The following SSX2IP variants were observed in gnomAD, a reference collection of about 807,000 sequenced individuals.
The protein encoded by SSX2IP is SSX family member 2 interacting protein, also known as afadin- and alpha-actinin-binding protein.
SSX2IP carries 55 observed loss-of-function variants against 84.9 expected under a neutral mutation model. The observed-to-expected ratio is 0.65, with a 90% CI of 0.52 to 0.81. The LOEUF is 0.81. SSX2IP is among the 30% of genes least tolerant of loss of function. The probability of loss-of-function intolerance (pLI) is 0.00; values close to 1 mark genes in which losing one functional copy is unlikely to be tolerated. For missense variants in SSX2IP, 664 were observed against 705.2 expected, an observed-to-expected ratio of 0.94 and a Z score of 0.66; for synonymous variants, 239 against 234.7, an observed-to-expected ratio of 1.02 and a Z score of -0.17.
Position 84,644,213 on chromosome 1 carries a change from C to T in SSX2IP, c.*3220G>A, listed in dbSNP as rs1429073228. On this transcript the variant is annotated 3_prime_UTR_variant, in exon 14 of 14. Transcript: ENST00000342203. ...CTAAGACTTATAAATGGAAGCCTAG[C>T]CACGTTACTGTTAAAAAACAAATGT... 1 of 152,192 alleles carries T rather than the reference C, an allele frequency of 6.6e-6. No individual in the cohort carries two copies. Among genetic ancestry groups the T allele is most frequent in the Non-Finnish European group, 1.5e-5 (1 of 68,030 alleles). 9.4% of individuals were successfully genotyped at this position (152,192 alleles called of 1,614,324 possible).
chr1:84,665,929 G>C (rs1652718991), intron 5 of SSX2IP, among the ~76,000 whole-genome samples, 193 bp downstream of exon 5: 1 of 152,170 alleles, frequency 6.6e-6, no homozygotes, highest in Admixed American at 6.6e-5. Context: ...TCCACTGGGG[G>C]CGGGGTCTGT....
chr1:84,654,510 G>A (rs1363352366), intron 11 of SSX2IP, among the ~76,000 whole-genome samples: 1 of 151,724 alleles, frequency 6.6e-6, no homozygotes, highest in Non-Finnish European at 1.5e-5. Flanking sequence ...AATTACTCAA[G>A]AATTAGTAAT....
At position 84,671,308 on chromosome 1, in the gene SSX2IP, C is replaced by T; in HGVS notation, c.-89G>A. On this transcript the variant is annotated splice_region_variant and 5_prime_UTR_variant, in exon 2 of 14. Coordinates refer to ENST00000342203, the MANE Select transcript of SSX2IP (RefSeq NM_001166293.2). ...CTGTCACTCTTCTATGTAGGCATCTCCTTAAAAAGCAGATTATAGAATAAT... is the reference window on the plus strand; with the variant it reads ...CTGTCACTCTTCTATGTAGGCATCTTCTTAAAAAGCAGATTATAGAATAAT... 6.5e-7 allele frequency: 1 copy of T among 1,546,394 alleles called. No homozygotes were observed. The highest frequency in any genetic ancestry group is 1.3e-5 in the South Asian group (1 of 79,954).
intron 1 of SSX2IP, among the ~76,000 whole-genome samples, chr1:84,684,837 A>C (rs1479805449): frequency 1.3e-5 from 2 of 152,186 alleles, no homozygotes; most frequent in Non-Finnish European, 1.5e-5. Flanking sequence ...AAAATGAAAA[A>C]ATTTTCAGAA....
intron 6 of SSX2IP, among the ~76,000 whole-genome samples, chr1:84,663,652 G>A (rs1315243425): frequency 2.0e-5 from 3 of 152,136 alleles, no homozygotes; most frequent in African/African-American, 4.8e-5. Flanking sequence ...TGAAACGTAC[G>A]CTCATCGCCT....
intron 5 of SSX2IP, among the ~76,000 whole-genome samples, chr1:84,665,643 G>C (rs1394158448): frequency 2.0e-5 from 3 of 152,148 alleles, no homozygotes; most frequent in African/African-American, 7.2e-5. Context: ...AATCAGAATT[G>C]TATCTTTTGT....
At chr1:84,655,244 G>A (rs889953157) in intron 11 of SSX2IP, 2 of 820,564 alleles carry the variant, frequency 2.4e-6, no homozygotes, top group Non-Finnish European at 3.0e-6. Flanking sequence ...TCTAAGGAAT[G>A]AAACTGAGGA....
At chr1:84,657,430 G>T (rs957433972) in intron 9 of SSX2IP, among the ~76,000 whole-genome samples, 1 of 152,070 alleles carries the variant, frequency 6.6e-6, no homozygotes, top group Non-Finnish European at 1.5e-5. Context: ...TTAATATTTT[G>T]CATTAAACAT....
chr1:84,664,085 T>C (rs1352481560), intron 6 of SSX2IP, among the ~76,000 whole-genome samples: 1 of 152,194 alleles, frequency 6.6e-6, no homozygotes, highest in East Asian at 1.9e-4. Context: ...AAAATACTTC[T>C]TTTGATACTC....
chr1:84,670,936 C>A (rs1653485531), intron 2 of SSX2IP, 121 bp from the exon 3 acceptor site: 1 of 795,236 alleles, frequency 1.3e-6, no homozygotes, highest in East Asian at 2.8e-5. Flanking sequence ...ATAATATATA[C>A]ATACATATTT....
At chr1:84,666,303 A>AG in intron 4 of SSX2IP, 71 bp from the exon 5 acceptor site, 1 of 1,084,852 alleles carries the variant, frequency 9.2e-7, no homozygotes, top group Non-Finnish European at 1.4e-6. Context: ...TTAAAATATC[A>AG]GTAACAAGAA....
chr1:84,670,040 T>A, intron 3 of SSX2IP, 147 bp from the exon 4 acceptor site: 1 of 586,164 alleles, frequency 1.7e-6, no homozygotes, highest in Non-Finnish European at 3.0e-6. Context: ...CGTACTATAT[T>A]CCTGAAATTG....
At chr1:84,683,662 T>C (rs1026066294) in intron 1 of SSX2IP, among the ~76,000 whole-genome samples, 34 of 152,220 alleles carry the variant, frequency 2.2e-4, no homozygotes, top group African/African-American at 3.1e-4. Context: ...CCAGTCAAGA[T>C]TGCTGAATGA....
rs756800633 is a variant in SSX2IP, at chr1:84,655,960, G to C, written c.1261C>G (p.Arg421Gly). 1.1e-5 allele frequency: 18 copies of C among 1,613,420 alleles called. No individual in the cohort carries two copies. Among genetic ancestry groups the C allele is most frequent in the Non-Finnish European group, 8.5e-7 (1 of 1,179,886 alleles). Residue 421 changes from arginine (R) to glycine (G), a missense_variant, in exon 11 of 14, where the codon CGA becomes GGA. By Grantham distance (125) the Arg-to-Gly change is moderately radical. Coordinates refer to ENST00000342203, the MANE Select transcript of SSX2IP (RefSeq NM_001166293.2). ...AYDDDTTSLL[R>G]DCYLLEEKER... Reference sequence around the variant, plus strand: ...TTTTCTTCCAACAAATAACAGTCTCGTAATAGTGAAGTGGTATCATCATCA... The same window carrying C: ...TTTTCTTCCAACAAATAACAGTCTCCTAATAGTGAAGTGGTATCATCATCA...
chr1:84,676,125 G>C (rs540846330), intron 1 of SSX2IP, among the ~76,000 whole-genome samples: 18 of 152,298 alleles, frequency 1.2e-4, no homozygotes, highest in African/African-American at 4.1e-4. Flanking sequence ...AAATTCATGA[G>C]TGAATTTTAT....
chr1:84,685,155 C>T (rs1442253010), intron 1 of SSX2IP, among the ~76,000 whole-genome samples: 1 of 152,198 alleles, frequency 6.6e-6, no homozygotes, highest in East Asian at 1.9e-4. Flanking sequence ...ATATTTCAAA[C>T]AATTCTAAAT....
At position 84,656,131 on chromosome 1, in the gene SSX2IP, T is replaced by A. The variant is rs1315834890; in HGVS notation, c.1216-126A>T. ...ATAGAAATTATTAAGAATCAAAAAG[T>A]CAAATGAGAATTCTCATTTCCCGAA... On this transcript the variant is annotated intron_variant, in intron 10 of 13. Transcript: ENST00000342203. The A allele has an allele frequency of 9.7e-6, 10 of 1,028,458 alleles. No individual in the cohort carries two copies. The East Asian group carries it at 2.1e-4, about 21-fold the overall frequency. 63.7% of individuals were successfully genotyped at this position (1,028,458 alleles called of 1,614,324 possible).
At chr1:84,685,872 GAATAA>G (rs1466296745) in intron 1 of SSX2IP, among the ~76,000 whole-genome samples, 1 of 152,136 alleles carries the variant, frequency 6.6e-6, no homozygotes, top group Non-Finnish European at 1.5e-5. Context: ...ATAGAATAGA[GAATAA>G]AATAGATAGG....
intron 1 of SSX2IP, among the ~76,000 whole-genome samples, chr1:84,676,868 G>A (rs766944107): frequency 6.6e-6 from 1 of 151,720 alleles, no homozygotes; most frequent in Non-Finnish European, 1.5e-5. Context: ...GATTACAGGC[G>A]GATGCCTAGC....
Sources: allele counts gnomAD v4.1 joint callset (sites outside exome capture counted in the v4.1 genomes callset), GRCh38; gene constraint gnomAD v4.1.1; transcripts MANE v1.5; gene names NCBI Gene and HGNC (gene_info 2026-07-23, HGNC 2026-07-21).